The following TULP4 variants were observed in gnomAD, a reference collection of about 807,000 sequenced individuals.
TULP4 encodes tubby-related protein 4.
TULP4 carries 16 observed loss-of-function variants against 129.0 expected under a neutral mutation model. The observed-to-expected ratio is 0.12, with a 90% confidence interval of 0.08 to 0.19. The LOEUF is 0.19. Among genes scored for constraint, TULP4 ranks in the 10% least tolerant of loss-of-function variants. The pLI, the probability that TULP4 is intolerant of heterozygous loss-of-function variation, is 1.00. For missense variants in TULP4, 1,842 were observed against 2,059.1 expected (o/e 0.89, Z 2.04); for synonymous variants, 998 against 854.0 (o/e 1.17, Z -2.94).
At chr6:158,474,820 C>T (rs905307379) in intron 6 of TULP4, among the ~76,000 whole-genome samples, 3 of 152,140 alleles carry the variant, frequency 2.0e-5, no homozygotes, top group Non-Finnish European at 2.9e-5. Context: ...ATGAATATTT[C>T]CTTTGAGCAT....
chr6:158,233,274 C>T (rs535778746), intron 1 of TULP4, among the ~76,000 whole-genome samples: 1 of 152,352 alleles, frequency 6.6e-6, no homozygotes, highest in Non-Finnish European at 1.5e-5. Flanking sequence ...GGAACTGTCT[C>T]CTGGATCTCT....
intron 1 of TULP4, among the ~76,000 whole-genome samples, chr6:158,374,945 G>A (rs1307477626): frequency 6.6e-6 from 1 of 152,150 alleles, no homozygotes; most frequent in Non-Finnish European, 1.5e-5. Context: ...CCTAAGCCAA[G>A]TGTTAAAGAA....
At chr6:158,324,045 G>A (rs935565855) in intron 1 of TULP4, among the ~76,000 whole-genome samples, 1 of 152,142 alleles carries the variant, frequency 6.6e-6, no homozygotes, top group Non-Finnish European at 1.5e-5. Context: ...TGTATTGAGC[G>A]AAATGAATAG....
chr6:158,236,194 C>A (rs567722359), intron 1 of TULP4, among the ~76,000 whole-genome samples: 1 of 152,298 alleles, frequency 6.6e-6, no homozygotes, highest in African/African-American at 2.4e-5. Flanking sequence ...TGGGAAAAGT[C>A]TTTCTAAGCT....
intron 1 of TULP4, among the ~76,000 whole-genome samples, chr6:158,255,626 A>G (rs1778228906): frequency 2.0e-5 from 3 of 152,290 alleles, no homozygotes; most frequent in East Asian, 1.9e-4. Context: ...TTGTTTTGCT[A>G]CTGGTCTGAG....
intron 6 of TULP4, among the ~76,000 whole-genome samples, chr6:158,473,830 A>C (rs1375445320): frequency 6.7e-6 from 1 of 149,784 alleles, no homozygotes; most frequent in Non-Finnish European, 1.5e-5. Context: ...CCTTTTAAAA[A>C]TTTGTTATAA....
intron 1 of TULP4, chr6:158,242,273 C>T (rs909300255): frequency 3.9e-6 from 6 of 1,544,728 alleles, no homozygotes; most frequent in Non-Finnish European, 5.3e-6. Flanking sequence ...TCTATCAGTG[C>T]ACATGCAGTG....
rs938452448 is a variant in TULP4 at position 158,502,915 on chromosome 6, C to A, written c.3252C>A (p.Val1084=). Residue 1084 remains valine, a synonymous_variant, in exon 13 of 14, where the codon GTC becomes GTA. Coordinates refer to ENST00000367097, the MANE Select transcript of TULP4 (RefSeq NM_020245.5). ...PDSARDRTDY[V]NSAFTEDEAL... Reference sequence around the variant, plus strand: ...GCGCCCGCGACCGCACCGACTACGTCAACTCGGCCTTCACGGAGGACGAGG... The same window carrying A: ...GCGCCCGCGACCGCACCGACTACGTAAACTCGGCCTTCACGGAGGACGAGG... The A allele has an allele frequency of 1.7e-5, 28 of 1,614,066 alleles. No individual in the cohort carries two copies. The highest frequency in any genetic ancestry group is 2.3e-5 in the Non-Finnish European group (27 of 1,180,022).
chr6:158,421,812 A>G (rs1366686421), intron 2 of TULP4, among the ~76,000 whole-genome samples: 1 of 152,188 alleles, frequency 6.6e-6, no homozygotes, highest in African/African-American at 2.4e-5. Flanking sequence ...GTGAGGTTGG[A>G]AAGTAAATCA....
chr6:158,393,388 A>G (rs1341446815), intron 1 of TULP4, among the ~76,000 whole-genome samples: 2 of 152,128 alleles, frequency 1.3e-5, no homozygotes, highest in Non-Finnish European at 2.9e-5. Flanking sequence ...TCACAGCTTC[A>G]CCAGGCAGTG....
At chr6:158,483,890 G>A (rs980780670) in intron 8 of TULP4, among the ~76,000 whole-genome samples, 4 of 150,950 alleles carry the variant, frequency 2.6e-5, no homozygotes, top group Admixed American at 1.3e-4. Context: ...TCACCAGTGT[G>A]TATTTTTATA....
chr6:158,243,847 G>GGGGTGTGT (rs376169153), intron 1 of TULP4, among the ~76,000 whole-genome samples: 1 of 143,510 alleles, frequency 7.0e-6, no homozygotes, highest in African/African-American at 2.6e-5. Context: ...AGCTGAAATA[G>GGGGTGTGT]GTGTGTGTGT....
intron 1 of TULP4, among the ~76,000 whole-genome samples, chr6:158,283,866 C>T (rs1020188808): frequency 6.6e-6 from 1 of 152,096 alleles, no homozygotes; most frequent in South Asian, 2.1e-4. Flanking sequence ...CTCTGGGAGT[C>T]CCCTGGGGTG....
Position 158,502,351 on chromosome 6 carries a change from C to A in TULP4, c.2688C>A (p.Asn896Lys), listed in dbSNP as rs759860680. Residue 896 changes from asparagine (N) to lysine (K), a missense_variant, in exon 13 of 14, where the codon AAC (asparagine) becomes AAA (lysine). By Grantham distance (94) the Asn-to-Lys change is moderately conservative. Coordinates refer to ENST00000367097, the MANE Select transcript of TULP4 (RefSeq NM_020245.5). ...ERITTFDSSGNVEEVCRPRTR... is the reference protein window; with the variant it reads ...ERITTFDSSGKVEEVCRPRTR... ...TCACCACCTTCGACAGCAGTGGCAA[C>A]GTGGAGGAGGTGTGCCGGCCCCGCA... 1 of 1,613,824 alleles carries A rather than the reference C, an allele frequency of 6.2e-7. No homozygotes were observed. The highest frequency in any genetic ancestry group is 8.5e-7 in the Non-Finnish European group (1 of 1,179,962).
intron 6 of TULP4, among the ~76,000 whole-genome samples, chr6:158,463,403 AGACGTATGCCT>A (rs1265857294): frequency 1.3e-5 from 2 of 152,034 alleles, no homozygotes; most frequent in Non-Finnish European, 2.9e-5. Flanking sequence ...AGCGCGTAAT[AGACGTATGCCT>A]GGGAGGGAGT....
intron 1 of TULP4, among the ~76,000 whole-genome samples, chr6:158,286,364 T>C (rs827858): frequency 0.31 from 46,674 of 152,146 alleles, 7,448 homozygotes; most frequent in Middle Eastern, 0.38. Context: ...TGTTTTGCCA[T>C]AGCCTTTGTT....
upstream of TULP4, among the ~76,000 whole-genome samples, chr6:158,281,586 C>G (rs1309015317): frequency 6.6e-6 from 1 of 152,024 alleles, no homozygotes; most frequent in Non-Finnish European, 1.5e-5. Flanking sequence ...AATGCAGTGC[C>G]GAGCCTTAGA....
intron 3 of TULP4, among the ~76,000 whole-genome samples, chr6:158,446,484 G>A (rs987620501): frequency 6.6e-6 from 1 of 152,126 alleles, no homozygotes; most frequent in Non-Finnish European, 1.5e-5. Flanking sequence ...TCTTTCATCT[G>A]TCCTTTCTTC....
chr6:158,266,704 A>G (rs9347172), intron 1 of TULP4, among the ~76,000 whole-genome samples: 50,025 of 152,164 alleles, frequency 0.33, 9,224 homozygotes, highest in Admixed American at 0.45. Context: ...GGTAATATAA[A>G]TAATCTAGAG....
Sources: allele counts gnomAD v4.1 joint callset (sites outside exome capture counted in the v4.1 genomes callset), GRCh38; gene constraint gnomAD v4.1.1; transcripts MANE v1.5; gene names NCBI Gene and HGNC (gene_info 2026-07-23, HGNC 2026-07-21).